KIAA1549: variants seen among roughly 807,000 people sequenced by gnomAD.
KIAA1549 encodes KIAA1549.
KIAA1549 carries 70 observed loss-of-function variants against 156.4 expected under a neutral mutation model. The observed-to-expected ratio is 0.45, with a 90% CI of 0.37 to 0.55. The LOEUF is 0.55. KIAA1549 is among the 20% of genes least tolerant of loss of function. The pLI is 0.00. For synonymous variants in KIAA1549, 1,103 were observed against 1,066.4 expected (o/e 1.03, Z -0.67); for missense variants, 2,428 against 2,540.9 (o/e 0.96, Z 0.96).
intron 1 of KIAA1549, among the ~76,000 whole-genome samples, chr7:138,949,818 G>C (rs1447226672): frequency 6.6e-6 from 1 of 152,172 alleles, no homozygotes; most frequent in Non-Finnish European, 1.5e-5. Context: ...CCCACAGGTG[G>C]GTCACACATT....
rs572143651 is a variant in KIAA1549, at chr7:138,892,758, AT to A, written c.4032+1583del. On this transcript the variant is annotated intron_variant, in intron 10 of 19. Transcript: ENST00000422774. The stretch of plus-strand genomic sequence containing the variant: ...TAAAATAAATTTTAAAGTAATGCAT[AT>A]TTTTTTTCCATTCGACAGGTCTAGG... 5.4e-3 allele frequency among the ~76,000 whole-genome samples: 829 copies of A among 152,220 alleles called. 9 individuals carry two copies. The highest frequency in any genetic ancestry group is 0.041 in the Middle Eastern group (12 of 294).
chr7:138,905,753 A>G (rs1346025920), intron 6 of KIAA1549, among the ~76,000 whole-genome samples: 1 of 151,198 alleles, frequency 6.6e-6, no homozygotes, highest in Non-Finnish European at 1.5e-5. Context: ...CACTGCCTCC[A>G]TTGGCATTGT....
intron 18 of KIAA1549, among the ~76,000 whole-genome samples, chr7:138,843,954 G>C (rs747356760): frequency 2.0e-5 from 3 of 152,234 alleles, no homozygotes; most frequent in Non-Finnish European, 4.4e-5. Flanking sequence ...CAGACTTTGA[G>C]AGTCGTTCGT....
intron 3 of KIAA1549, among the ~76,000 whole-genome samples, 159 bp from the exon 4 acceptor site, chr7:138,911,482 T>G (rs954328823): frequency 3.3e-5 from 5 of 152,220 alleles, no homozygotes; most frequent in African/African-American, 1.2e-4. Flanking sequence ...TTTTACTCTC[T>G]GCCAACCTTT....
At chr7:138,847,742 A>AT (rs1810120515) in intron 17 of KIAA1549, among the ~76,000 whole-genome samples, 2 of 152,182 alleles carry the variant, frequency 1.3e-5, no homozygotes, top group South Asian at 4.1e-4. Context: ...TTCCAGATAA[A>AT]TTTTAGAATC....
At chr7:138,907,867 A>G (rs1254157996) in intron 5 of KIAA1549, among the ~76,000 whole-genome samples, 2 of 152,140 alleles carry the variant, frequency 1.3e-5, no homozygotes, top group Non-Finnish European at 2.9e-5. Flanking sequence ...AAATGAATGA[A>G]AACGCAGCTA....
At chr7:138,909,203 G>C in intron 4 of KIAA1549, 82 bp from the exon 5 acceptor site, 5 of 1,409,644 alleles carry the variant, frequency 3.5e-6, no homozygotes, top group Non-Finnish European at 4.9e-6. Context: ...GAGAAACATC[G>C]TATCTAAATC....
chr7:138,967,312 G>A (rs950866136), intron 1 of KIAA1549, among the ~76,000 whole-genome samples: 8 of 152,148 alleles, frequency 5.3e-5, no homozygotes, highest in South Asian at 2.1e-4. Context: ...GAGGAATTAC[G>A]GAGGCGGTTG....
chr7:138,933,869 G>A (rs1177511022), intron 1 of KIAA1549, among the ~76,000 whole-genome samples: 3 of 152,340 alleles, frequency 2.0e-5, no homozygotes, highest in African/African-American at 7.2e-5. Context: ...GGGAGGCTGA[G>A]GCAGGAGAAT....
chr7:138,894,108 C>T (rs938746206), intron 10 of KIAA1549, among the ~76,000 whole-genome samples: 11 of 152,308 alleles, frequency 7.2e-5, no homozygotes, highest in African/African-American at 2.6e-4. Flanking sequence ...ACCCGGAGGG[C>T]ATGTCATGGC....
intron 4 of KIAA1549, among the ~76,000 whole-genome samples, chr7:138,909,577 G>T (rs971019971): frequency 6.6e-6 from 1 of 152,202 alleles, no homozygotes; most frequent in Non-Finnish European, 1.5e-5. Flanking sequence ...ATGGGTATAT[G>T]TAGACTTAGT....
chr7:138,978,262 T>C (rs1032401537), intron 1 of KIAA1549, among the ~76,000 whole-genome samples: 1 of 152,198 alleles, frequency 6.6e-6, no homozygotes, highest in Admixed American at 6.5e-5. Flanking sequence ...CTGGTTTCTG[T>C]ACCTTTCAGT....
At chr7:138,934,938 G>A (rs1812967339) in intron 1 of KIAA1549, among the ~76,000 whole-genome samples, 1 of 152,150 alleles carries the variant, frequency 6.6e-6, no homozygotes, top group Admixed American at 6.5e-5. Flanking sequence ...ATCCCATCCA[G>A]AGAGGGATAA....
rs1472576982 is a variant in KIAA1549, at chr7:138,834,160, A to G, written c.*3746T>C. On this transcript the variant is annotated 3_prime_UTR_variant, in exon 20 of 20. Transcript: ENST00000422774. Reference sequence around the variant, plus strand: ...TGCCTAATTCATTTATGTCTTTTGAACAAATTTTTTTCTTTTTGAGACACA... The same window carrying G: ...TGCCTAATTCATTTATGTCTTTTGAGCAAATTTTTTTCTTTTTGAGACACA... 9.8e-6 allele frequency: 2 copies of G among 204,204 alleles called. No individual in the cohort carries two copies. The highest frequency in any genetic ancestry group is 2.0e-5 in the Non-Finnish European group (2 of 99,740). 12.6% of individuals were successfully genotyped at this position (204,204 alleles called of 1,614,324 possible). A position where few individuals can be genotyped will look rare whatever the true frequency, so the allele number is the denominator to read the frequency against.
chr7:138,968,436 G>A (rs142769566), intron 1 of KIAA1549, among the ~76,000 whole-genome samples: 7 of 152,160 alleles, frequency 4.6e-5, no homozygotes, highest in Non-Finnish European at 7.4e-5. Flanking sequence ...TTATTTAAAG[G>A]CAATTCATTG....
At chr7:138,883,485 T>G (rs1363301933) in intron 10 of KIAA1549, among the ~76,000 whole-genome samples, 1 of 151,730 alleles carries the variant, frequency 6.6e-6, no homozygotes, top group Non-Finnish European at 1.5e-5. Flanking sequence ...GGGTAATTTT[T>G]TTGGTATTTT....
At chr7:138,844,900 C>T (rs538890798) in intron 17 of KIAA1549, among the ~76,000 whole-genome samples, 68 of 151,610 alleles carry the variant, frequency 4.5e-4, no homozygotes, top group Middle Eastern at 3.4e-3. Context: ...GACAGAGTCT[C>T]GCTCTGTCCC....
At position 138,917,137 on chromosome 7, in the gene KIAA1549, T is replaced by C. The variant is rs770254352; in HGVS notation, c.2489A>G (p.Lys830Arg). 6.2e-7 allele frequency: 1 copy of C among 1,613,422 alleles called. No homozygotes were observed. The highest frequency in any genetic ancestry group is 2.2e-5 in the East Asian group (1 of 44,872). ...GHVSVLASFS[K>R]AIPTGTVLIT... is the part of the protein sequence containing the mutation. ...CAACACCGTACCAGTGGGAATGGCT[T>C]TGGAGAAAGAGGCCAGGACAGACAC... is the stretch of plus-strand genomic sequence containing the variant. The change falls in exon 2 of 20, where the codon AAA becomes AGA. Residue 830 changes from lysine to arginine, a missense_variant. By Grantham distance (26) the Lys-to-Arg change is conservative (BLOSUM62 2). This residue lies in a region of KIAA1549 where 762 missense variants were observed against 901.6 expected (regional missense o/e 0.85). Coordinates refer to ENST00000422774, the MANE Select transcript of KIAA1549 (RefSeq NM_001164665.2).
At chr7:138,880,840 G>A (rs994582966) in intron 11 of KIAA1549, among the ~76,000 whole-genome samples, 1 of 152,114 alleles carries the variant, frequency 6.6e-6, no homozygotes, top group African/African-American at 2.4e-5. Context: ...GGGAGGAGGC[G>A]GTGAAGAGTC....
Sources: gnomAD v4.1 joint callset for allele counts (sites outside exome capture counted in the v4.1 genomes callset) on GRCh38, gnomAD v4.1.1 for gene constraint, gnomAD v4.1.1 regional missense constraint, MANE v1.5 for transcripts, NCBI Gene and HGNC (gene_info 2026-07-23, HGNC 2026-07-21) for gene names.